PFKFB3: variants seen among roughly 807,000 people sequenced by gnomAD.
PFKFB3 encodes the protein 6-phosphofructo-2-kinase/fructose-2,6-biphosphatase 3.
Under a neutral mutation model 68.0 loss-of-function variants are expected in PFKFB3, and 33 were observed. That is an observed-to-expected ratio of 0.49 (90% CI 0.37 to 0.65). PFKFB3 has a LOEUF of 0.65. Among genes scored for constraint, PFKFB3 ranks in the 30% least tolerant of loss-of-function variants. The probability of loss-of-function intolerance (pLI) is 0.00; values close to 1 mark genes in which losing one functional copy is unlikely to be tolerated. For synonymous variants in PFKFB3, 315 were observed against 288.2 expected, an observed-to-expected ratio of 1.09 and a Z score of -0.94; for missense variants, 586 against 712.2, an observed-to-expected ratio of 0.82 and a Z score of 2.02.
chr10:6,181,777 G>A (rs185632735), intron 1 of PFKFB3, among the ~76,000 whole-genome samples: 3 of 144,890 alleles, frequency 2.1e-5, no homozygotes, highest in African/African-American at 5.2e-5. Context: ...CAGCCTGGGC[G>A]ATAGAGTAAG....
chr10:6,219,834 G>A (rs536683502), intron 7 of PFKFB3, 141 bp downstream of exon 7: 4 of 765,046 alleles, frequency 5.2e-6, no homozygotes, highest in South Asian at 3.6e-5. Flanking sequence ...ATGAGGTCTC[G>A]CTATGTTGCC....
At chr10:6,293,359 TTTC>T in the PFKFB3 span, 1 of 275,920 alleles carries the variant, frequency 3.6e-6, no homozygotes, top group East Asian at 1.1e-4. Flanking sequence ...TCTTTCTTTC[TTTC>T]GGAGATGGAG....
chr10:6,245,442 G>A (rs1004655716), intron 14 of PFKFB3, among the ~76,000 whole-genome samples: 7 of 129,950 alleles, frequency 5.4e-5, no homozygotes, highest in Non-Finnish European at 1.2e-4. Context: ...TTTGAAACAG[G>A]GTCTGGCTCT....
At chr10:6,150,783 A>G (rs1471259931) in intron 1 of PFKFB3, among the ~76,000 whole-genome samples, 3 of 152,108 alleles carry the variant, frequency 2.0e-5, no homozygotes, top group African/African-American at 7.2e-5. Flanking sequence ...GGATCACTTG[A>G]CGTCAGGAGT....
the PFKFB3 span, among the ~76,000 whole-genome samples, chr10:6,315,364 C>T: frequency 4.6e-5 from 7 of 152,256 alleles, no homozygotes; most frequent in African/African-American, 1.2e-4. Flanking sequence ...GTCTGTAAAG[C>T]GAAAGCAAGT....
the PFKFB3 span, among the ~76,000 whole-genome samples, chr10:6,272,197 T>C: frequency 6.6e-6 from 1 of 152,226 alleles, no homozygotes; most frequent in African/African-American, 2.4e-5. Flanking sequence ...GTTTGGTGAA[T>C]GGCTGATGAA....
In PFKFB3 at chr10:6,153,509, G is replaced by A. The variant is rs956059007; in HGVS notation, c.16+8496G>A. Among the ~76,000 whole-genome samples, 20 of 152,274 alleles carry A rather than the reference G, an allele frequency of 1.3e-4. No homozygotes were observed. In the South Asian group the frequency reaches 2.3e-3, roughly 17 times the overall value. ...TCCCTGGGTTGGTGAGCAGGTGAAC[G>A]CTGCATGTGTCAATGGATGTGAATG... On this transcript the variant is annotated intron_variant, in intron 1 of 14. Coordinates refer to the PFKFB3 transcript ENST00000379789.
chr10:6,187,946 C>A (rs1232745347), intron 1 of PFKFB3, among the ~76,000 whole-genome samples: 1 of 105,784 alleles, frequency 9.5e-6, no homozygotes, highest in Non-Finnish European at 1.7e-5. Context: ...TCTCCCTCTC[C>A]ATTTCTATCT....
intron 1 of PFKFB3, among the ~76,000 whole-genome samples, chr10:6,163,272 G>A (rs1842017890): frequency 6.6e-6 from 1 of 152,234 alleles, no homozygotes; most frequent in Non-Finnish European, 1.5e-5. Context: ...GAGACGGGAA[G>A]TCTGGAAGGG....
At chr10:6,267,230 T>C in the PFKFB3 span, among the ~76,000 whole-genome samples, 4 of 152,256 alleles carry the variant, frequency 2.6e-5, no homozygotes, top group African/African-American at 4.8e-5. Flanking sequence ...CTTGTTCTTA[T>C]GAGAACAATG....
the PFKFB3 span, among the ~76,000 whole-genome samples, chr10:6,323,881 C>T: frequency 4.6e-5 from 7 of 152,276 alleles, no homozygotes; most frequent in East Asian, 9.6e-4. Context: ...AGGACTACCG[C>T]GTGATTCCGC....
chr10:6,261,295 G>A, the PFKFB3 span, among the ~76,000 whole-genome samples: 3 of 152,194 alleles, frequency 2.0e-5, no homozygotes, highest in African/African-American at 7.2e-5. Context: ...TGTTAAATGA[G>A]TAGCAAATGG....
the PFKFB3 span, among the ~76,000 whole-genome samples, chr10:6,308,868 T>A: frequency 2.6e-5 from 4 of 152,220 alleles, no homozygotes; most frequent in Admixed American, 2.6e-4. Context: ...AAGATGCCGA[T>A]AGGCCACCCC....
chr10:6,156,702 G>T (rs535920161), intron 1 of PFKFB3, among the ~76,000 whole-genome samples: 2 of 147,752 alleles, frequency 1.4e-5, no homozygotes, highest in African/African-American at 5.0e-5. Flanking sequence ...TGGCCAGGCT[G>T]GTCTCGAATC....
downstream of PFKFB3, among the ~76,000 whole-genome samples, chr10:6,254,808 CTTTTTTTTTTTTTTTTTTT>C (rs144888417): frequency 3.2e-5 from 2 of 61,622 alleles, no homozygotes; most frequent in African/African-American, 7.0e-5. Context: ...TTTTTCTGTT[CTTTTTTTTTTTTTTTTTTT>C]TTTTTTTTGA....
At chr10:6,273,135 T>C in the PFKFB3 span, among the ~76,000 whole-genome samples, 1 of 151,112 alleles carries the variant, frequency 6.6e-6, no homozygotes, top group Non-Finnish European at 1.5e-5. Context: ...GCCTCCCAAG[T>C]AGCTGGGATT....
chr10:6,146,298 A>C, intron 1 of PFKFB3: 1 of 1,502,310 alleles, frequency 6.7e-7, no homozygotes, highest in Admixed American at 2.1e-5. Context: ...TTTTTCAAAC[A>C]GAGGGTGCCT....
chr10:6,236,456 C>T (rs1846014623), downstream of PFKFB3, among the ~76,000 whole-genome samples: 2 of 152,226 alleles, frequency 1.3e-5, no homozygotes, highest in Non-Finnish European at 2.9e-5. Context: ...CACTGCTGCG[C>T]TCCAGAAATA....
chr10:6,206,147 A>T (rs1444972036), intron 1 of PFKFB3, among the ~76,000 whole-genome samples: 2 of 147,118 alleles, frequency 1.4e-5, no homozygotes, highest in Admixed American at 6.9e-5. Context: ...GGGAGTGGTG[A>T]TGACTCTCAA....
Sources: gnomAD v4.1 joint callset for allele counts (sites outside exome capture counted in the v4.1 genomes callset) on GRCh38, gnomAD v4.1.1 for gene constraint, MANE v1.5 for transcripts, NCBI Gene and HGNC (gene_info 2026-07-23, HGNC 2026-07-21) for gene names.